The following HDAC9 variants were observed in gnomAD, a reference collection of about 807,000 sequenced individuals.
The protein encoded by HDAC9 is MEF-2 interacting transcription repressor (MITR) protein.
In HDAC9, 41 loss-of-function variants were observed where a neutral mutation model predicts 139.4. That is an observed-to-expected ratio of 0.29 (90% CI 0.23 to 0.38). The LOEUF (loss-of-function observed/expected upper bound fraction) is 0.38, where lower values mean the gene tolerates loss of function less well. Among genes scored for constraint, HDAC9 ranks in the 10% least tolerant of loss-of-function variants. HDAC9 has a pLI of 1.00. For synonymous variants in HDAC9, 517 were observed against 476.2 expected (o/e 1.09, Z -1.12); for missense variants, 1,147 against 1,297.0 (o/e 0.88, Z 1.78).
chr7:18,302,282 G>T (rs1798590418), intron 1 of HDAC9, among the ~76,000 whole-genome samples: 1 of 152,120 alleles, frequency 6.6e-6, no homozygotes, highest in South Asian at 2.1e-4. Flanking sequence ...GGTTCTGAAG[G>T]GGACTTACTT....
At chr7:18,799,096 G>C (rs964948500) in intron 17 of HDAC9, among the ~76,000 whole-genome samples, 2 of 148,370 alleles carry the variant, frequency 1.3e-5, no homozygotes, top group African/African-American at 2.5e-5. Flanking sequence ...CACACACACA[G>C]AGCCCCTCGG....
intron 2 of HDAC9, among the ~76,000 whole-genome samples, chr7:18,258,356 T>C (rs1205831649): frequency 1.3e-5 from 2 of 152,162 alleles, no homozygotes; most frequent in Non-Finnish European, 2.9e-5. Context: ...AGTAGGCTTT[T>C]GGGGAACCGG....
intron 2 of HDAC9, among the ~76,000 whole-genome samples, chr7:18,208,109 G>A (rs894962461): frequency 5.3e-5 from 8 of 152,146 alleles, no homozygotes; most frequent in Admixed American, 2.0e-4. Flanking sequence ...TTTCTCATAC[G>A]TATGCTTAGT....
chr7:18,981,837 A>G (rs1784969869), intron 25 of HDAC9, among the ~76,000 whole-genome samples: 1 of 152,216 alleles, frequency 6.6e-6, no homozygotes, highest in Non-Finnish European at 1.5e-5. Flanking sequence ...AGGATTAGGA[A>G]GTGGATAGCT....
intron 1 of HDAC9, among the ~76,000 whole-genome samples, chr7:18,486,905 A>G (rs762105526): frequency 2.8e-4 from 42 of 152,214 alleles, no homozygotes; most frequent in Middle Eastern, 3.4e-3. Flanking sequence ...TTAGTTATCA[A>G]ATGTTTTATC....
intron 2 of HDAC9, among the ~76,000 whole-genome samples, chr7:18,563,202 A>G (rs1038838637): frequency 6.6e-5 from 10 of 152,312 alleles, no homozygotes; most frequent in Middle Eastern, 3.4e-3. Context: ...AAAAAGTTCA[A>G]TGTGGCCGTA....
At chr7:18,323,000 C>G (rs1467103511) in intron 1 of HDAC9, among the ~76,000 whole-genome samples, 1 of 152,066 alleles carries the variant, frequency 6.6e-6, no homozygotes, top group South Asian at 2.1e-4. Context: ...AACTCCATTA[C>G]TAAAGGGTGG....
At chr7:18,377,249 A>T (rs10249360) in intron 1 of HDAC9, among the ~76,000 whole-genome samples, 47,039 of 151,902 alleles carry the variant, frequency 0.31, 7,813 homozygotes, top group African/African-American at 0.42. Flanking sequence ...CCAATCCCAT[A>T]CATAAGGGTA....
At chr7:18,922,343 T>TA (rs1183335261) in intron 22 of HDAC9, among the ~76,000 whole-genome samples, 1 of 152,092 alleles carries the variant, frequency 6.6e-6, no homozygotes, top group Non-Finnish European at 1.5e-5. Flanking sequence ...CTATTATTTA[T>TA]AATGTAATGA....
chr7:18,483,589 G>T (rs141014834), intron 1 of HDAC9, among the ~76,000 whole-genome samples: 3 of 152,132 alleles, frequency 2.0e-5, no homozygotes, highest in Non-Finnish European at 1.5e-5. Context: ...TACCCAGGTC[G>T]CCCTATGTTA....
intron 1 of HDAC9, among the ~76,000 whole-genome samples, chr7:18,100,536 C>A (rs1782779759): frequency 6.6e-6 from 1 of 152,080 alleles, no homozygotes; most frequent in East Asian, 1.9e-4. Flanking sequence ...TCTTCAAGTT[C>A]ATTACCAAGT....
At chr7:18,896,435 T>C (rs1267176039) in intron 22 of HDAC9, among the ~76,000 whole-genome samples, 1 of 152,078 alleles carries the variant, frequency 6.6e-6, no homozygotes, top group East Asian at 1.9e-4. Context: ...CTTATCTTCA[T>C]TAAGTGCCAC....
intron 6 of HDAC9, among the ~76,000 whole-genome samples, chr7:18,609,491 G>A (rs530581494): frequency 6.6e-6 from 1 of 152,278 alleles, no homozygotes; most frequent in African/African-American, 2.4e-5. Flanking sequence ...CCAAGACAGA[G>A]TTCACTAATC....
intron 12 of HDAC9, among the ~76,000 whole-genome samples, chr7:18,679,718 G>A (rs566030917): frequency 5.3e-4 from 81 of 151,680 alleles, no homozygotes; most frequent in African/African-American, 1.9e-3. Flanking sequence ...TATGTCTTAT[G>A]AAAAATTTTA....
intron 1 of HDAC9, among the ~76,000 whole-genome samples, chr7:18,353,413 T>C (rs1783007906): frequency 6.6e-6 from 1 of 152,168 alleles, no homozygotes; most frequent in African/African-American, 2.4e-5. Context: ...ACAACTGTGC[T>C]TTTTAGCTCT....
chr7:18,829,728 G>A (rs1045235003), intron 19 of HDAC9, among the ~76,000 whole-genome samples, 180 bp downstream of exon 19: 4 of 152,166 alleles, frequency 2.6e-5, no homozygotes, highest in Admixed American at 2.0e-4. Flanking sequence ...AAACATTCAC[G>A]TTTCACTTTC....
intron 2 of HDAC9, among the ~76,000 whole-genome samples, chr7:18,263,930 T>C (rs891847420): frequency 2.0e-5 from 3 of 152,050 alleles, no homozygotes; most frequent in Admixed American, 2.0e-4. Flanking sequence ...GCTGACACAA[T>C]AGATTTTAAA....
chr7:18,604,569 T>C (rs1408940419), intron 6 of HDAC9, among the ~76,000 whole-genome samples: 1 of 151,946 alleles, frequency 6.6e-6, no homozygotes, highest in African/African-American at 2.4e-5. Context: ...GCTAATTTTT[T>C]TTTTTAATTT....
chr7:18,281,485 ACTTCTTTAATTGATT>A (rs1797102890), intron 2 of HDAC9, among the ~76,000 whole-genome samples: 1 of 152,192 alleles, frequency 6.6e-6, no homozygotes, highest in Non-Finnish European at 1.5e-5. Flanking sequence ...TCAGGAAACC[ACTTCTTTAATTGATT>A]CTCTTTCCAT....
Sources: gnomAD v4.1 joint callset for allele counts (sites outside exome capture counted in the v4.1 genomes callset) on GRCh38, gnomAD v4.1.1 for gene constraint, MANE v1.5 for transcripts, NCBI Gene and HGNC (gene_info 2026-07-23, HGNC 2026-07-21) for gene names.